The following KCNIP4 variants were observed in gnomAD, a reference collection of about 807,000 sequenced individuals.
KCNIP4 encodes Kv channel-interacting protein 4.
A neutral mutation model predicts 34.0 loss-of-function variants in KCNIP4; 12 were observed. That is an observed-to-expected ratio of 0.35 (90% CI 0.23 to 0.57). The LOEUF is 0.57. Among genes scored for constraint, KCNIP4 ranks in the 20% least tolerant of loss-of-function variants. The pLI, the probability that KCNIP4 is intolerant of heterozygous loss-of-function variation, is 0.83. For missense variants in KCNIP4, 238 were observed against 311.7 expected, an observed-to-expected ratio of 0.76 and a Z score of 1.78; for synonymous variants, 124 against 102.2, an observed-to-expected ratio of 1.21 and a Z score of -1.29.
At chr4:21,376,731 T>A (rs577240433) in intron 1 of KCNIP4, among the ~76,000 whole-genome samples, 2 of 152,344 alleles carry the variant, frequency 1.3e-5, no homozygotes, top group East Asian at 1.9e-4. Context: ...GACTTGAGAA[T>A]AACGGGTCTT....
At chr4:21,341,682 C>G (rs1254076454) in intron 1 of KCNIP4, among the ~76,000 whole-genome samples, 1 of 152,092 alleles carries the variant, frequency 6.6e-6, no homozygotes, top group African/African-American at 2.4e-5. Flanking sequence ...TCATAATAAC[C>G]TGCACCTTTT....
intron 1 of KCNIP4, among the ~76,000 whole-genome samples, chr4:21,581,445 G>C (rs1355279989): frequency 6.6e-6 from 1 of 151,976 alleles, no homozygotes; most frequent in South Asian, 2.1e-4. Flanking sequence ...AAAGAAGATA[G>C]GAAGGTAACG....
chr4:21,865,636 C>T (rs192371971), intron 1 of KCNIP4, among the ~76,000 whole-genome samples: 7 of 151,010 alleles, frequency 4.6e-5, no homozygotes, highest in Admixed American at 3.3e-4. Context: ...CTCCGCCTCC[C>T]GGGTTCAGTG....
intron 1 of KCNIP4, among the ~76,000 whole-genome samples, chr4:21,043,470 C>T (rs1197054236): frequency 4.6e-5 from 7 of 151,868 alleles, no homozygotes; most frequent in East Asian, 1.9e-4. Flanking sequence ...GCTGGGACTA[C>T]AGGAGTGCAC....
At chr4:21,681,289 T>A (rs1424673417) in intron 1 of KCNIP4, among the ~76,000 whole-genome samples, 2 of 151,190 alleles carry the variant, frequency 1.3e-5, no homozygotes, top group Admixed American at 1.3e-4. Context: ...TTTTTTTTTT[T>A]AAAGACAAGG....
At chr4:21,786,097 C>T (rs571999791) in intron 1 of KCNIP4, among the ~76,000 whole-genome samples, 3 of 152,222 alleles carry the variant, frequency 2.0e-5, no homozygotes, top group African/African-American at 4.8e-5. Context: ...TACAGGCGTG[C>T]GCCACCACAC....
intron 1 of KCNIP4, among the ~76,000 whole-genome samples, chr4:21,723,171 T>C (rs1035052882): frequency 3.3e-5 from 5 of 152,146 alleles, no homozygotes; most frequent in Non-Finnish European, 7.4e-5. Context: ...ATGATATAAG[T>C]TCTTCGGGCA....
intron 1 of KCNIP4, among the ~76,000 whole-genome samples, chr4:20,905,687 A>C (rs1873531): frequency 0.98 from 146,895 of 149,288 alleles, 72,274 homozygotes; most frequent in East Asian, 1. Flanking sequence ...AAGTTTTGAA[A>C]TTTTTTTTTT....
At chr4:21,364,627 T>C (rs893702391) in intron 1 of KCNIP4, among the ~76,000 whole-genome samples, 2 of 151,962 alleles carry the variant, frequency 1.3e-5, no homozygotes, top group African/African-American at 4.8e-5. Flanking sequence ...TACGAATTGA[T>C]GAATGAATAA....
rs1578390169 is a variant in KCNIP4 at position 20,729,492 on chromosome 4, ATTTT to A, written c.*586_*589del. On this transcript the variant is annotated 3_prime_UTR_variant, in exon 9 of 9. Coordinates refer to ENST00000382152, the MANE Select transcript of KCNIP4 (RefSeq NM_025221.6). Reference sequence around the variant, plus strand: ...TAAACTAATTTTTAAATGTTTAATAATTTTTAAATGTTTAAAAATGCCAGATAAA... The same window carrying A: ...TAAACTAATTTTTAAATGTTTAATAATAAATGTTTAAAAATGCCAGATAAA... 6.6e-6 allele frequency: 1 copy of A among 150,936 alleles called. No individual in the cohort carries two copies. The highest frequency in any genetic ancestry group is 2.4e-5 in the African/African-American group (1 of 41,332). The allele number at this position is 150,936 out of a possible 1,614,324, so 9.3% of individuals were successfully genotyped here.
chr4:20,956,952 G>A (rs1733373639), intron 1 of KCNIP4, among the ~76,000 whole-genome samples: 1 of 152,046 alleles, frequency 6.6e-6, no homozygotes. Context: ...AGTTCACTTA[G>A]CCTCACAATT....
At chr4:20,802,900 C>T (rs1446378350) in intron 3 of KCNIP4, among the ~76,000 whole-genome samples, 8 of 151,772 alleles carry the variant, frequency 5.3e-5, no homozygotes, top group African/African-American at 1.9e-4. Flanking sequence ...ACAGTGAAAC[C>T]CCGTCTCTAC....
intron 1 of KCNIP4, among the ~76,000 whole-genome samples, chr4:21,297,256 G>A (rs978643695): frequency 6.6e-6 from 1 of 151,924 alleles, no homozygotes; most frequent in Non-Finnish European, 1.5e-5. Context: ...ATTCATCTGT[G>A]GGGTATCTGA....
At chr4:21,443,563 G>C (rs1727675412) in intron 1 of KCNIP4, among the ~76,000 whole-genome samples, 1 of 152,154 alleles carries the variant, frequency 6.6e-6, no homozygotes, top group Non-Finnish European at 1.5e-5. Context: ...AATGACAAAG[G>C]TTTTCTGCAG....
intron 3 of KCNIP4, among the ~76,000 whole-genome samples, chr4:20,833,013 A>G (rs1328887109): frequency 6.6e-6 from 1 of 152,184 alleles, no homozygotes; most frequent in East Asian, 1.9e-4. Flanking sequence ...CTACACAGAG[A>G]CAGAACTATG....
chr4:21,384,896 ACT>A (rs967237108), intron 1 of KCNIP4, among the ~76,000 whole-genome samples: 1 of 152,010 alleles, frequency 6.6e-6, no homozygotes, highest in African/African-American at 2.4e-5. Context: ...AATACCATTA[ACT>A]CTATATATTT....
chr4:21,865,860 G>A (rs1430359177), intron 1 of KCNIP4, among the ~76,000 whole-genome samples: 1 of 151,610 alleles, frequency 6.6e-6, no homozygotes, highest in Non-Finnish European at 1.5e-5. Flanking sequence ...CAACAAATGA[G>A]ACTCCTTTAA....
intron 1 of KCNIP4, among the ~76,000 whole-genome samples, chr4:21,442,663 T>A (rs1281417196): frequency 1.3e-5 from 2 of 152,238 alleles, no homozygotes; most frequent in Admixed American, 6.5e-5. Flanking sequence ...GCTTTCCATA[T>A]CCCTTTGCTG....
At chr4:21,414,746 C>G (rs1724799785) in intron 1 of KCNIP4, among the ~76,000 whole-genome samples, 1 of 152,070 alleles carries the variant, frequency 6.6e-6, no homozygotes, top group Admixed American at 6.6e-5. Context: ...ATTATTGAAT[C>G]TTTAAAATGG....
Sources: gnomAD v4.1 joint callset for allele counts (sites outside exome capture counted in the v4.1 genomes callset) on GRCh38, gnomAD v4.1.1 for gene constraint, MANE v1.5 for transcripts, NCBI Gene and HGNC (gene_info 2026-07-23, HGNC 2026-07-21) for gene names.